Variants in GBF1 observed in about 807,000 individuals in gnomAD.
The protein encoded by GBF1 is Golgi-specific brefeldin A-resistance guanine nucleotide exchange factor 1.
A neutral mutation model predicts 210.5 loss-of-function variants in GBF1; 114 were observed. That is an observed-to-expected ratio of 0.54 (90% CI 0.47 to 0.63). The LOEUF is 0.63. Ranked by LOEUF, GBF1 falls within the 30% of genes least tolerant of loss-of-function variation. The pLI is 0.00. For synonymous variants in GBF1, 850 were observed against 889.2 expected, an observed-to-expected ratio of 0.96 and a Z score of 0.78; for missense variants, 1,851 against 2,357.7, an observed-to-expected ratio of 0.79 and a Z score of 4.45.
At position 102,363,262 on chromosome 10, in the gene GBF1, G is replaced by A; in HGVS notation, c.1883G>A (p.Arg628Lys). ...TCTTCTTCTCTCTTACCAGCTGAGA[G>A]AACTGCCAGCGATGGGAAAGCTGTA... Reference protein sequence around the residue: ...DGTREASNTERTASDGKAVGM... With the variant: ...DGTREASNTEKTASDGKAVGM... The change falls in exon 16 of 40, where the codon AGA becomes AAA. Residue 628 changes from arginine to lysine, a missense_variant. Arg to Lys is a conservative substitution (Grantham distance 26, BLOSUM62 2). This residue lies in a region of GBF1 where 804 missense variants were observed against 958.6 expected (regional missense o/e 0.84). Coordinates refer to ENST00000369983, the MANE Select transcript of GBF1 (RefSeq NM_001377137.1). The surrounding 1 kb of genome is among the most constrained non-coding windows in gnomAD (Gnocchi z 4.2). 1 of 1,612,546 alleles carries A rather than the reference G, an allele frequency of 6.2e-7. No individual in the cohort carries two copies. Among genetic ancestry groups the A allele is most frequent in the Non-Finnish European group, 8.5e-7 (1 of 1,179,312 alleles).
Position 102,363,734 on chromosome 10 carries a change from C to A in GBF1, c.2042C>A (p.Pro681Gln). Residue 681 changes from proline (P) to glutamine (Q), a missense_variant, in exon 17 of 40, where the codon CCA becomes CAA. Coordinates refer to ENST00000369983, the MANE Select transcript of GBF1 (RefSeq NM_001377137.1). The surrounding 1 kb of genome is among the most constrained non-coding windows in gnomAD (Gnocchi z 4.2). The stretch of plus-strand genomic sequence containing the variant: ...GCTGACAAAAAGTTTGCCCGGAAGC[C>A]ACCCCGATTTTCCTGTCTCCTGCCA... ...SGADKKFARK[P>Q]PRFSCLLPDP... 6.2e-7 allele frequency: 1 copy of A among 1,613,274 alleles called. No homozygotes were observed. The highest frequency in any genetic ancestry group is 1.1e-5 in the South Asian group (1 of 91,060).
intron 17 of GBF1, among the ~76,000 whole-genome samples, chr10:102,365,162 G>A (rs1589792131): frequency 6.6e-6 from 1 of 152,180 alleles, no homozygotes. Context: ...ACTGTTTTAT[G>A]TATCTTGAGC....
At chr10:102,358,391 A>T in intron 9 of GBF1, 115 bp from the exon 10 acceptor site, 1 of 816,762 alleles carries the variant, frequency 1.2e-6, no homozygotes, top group Admixed American at 2.4e-5. Context: ...TTAGAGACCA[A>T]TATATGCAAA....
Position 102,375,490 on chromosome 10 carries a change from G to A in GBF1, c.3792G>A (p.Trp1264Ter). Reference sequence around the variant, plus strand: ...CCAACATCCACTCAGGTGATGACTGGGCCACACTCTTCACACTGCTGGAGT... The same window carrying A: ...CCAACATCCACTCAGGTGATGACTGAGCCACACTCTTCACACTGCTGGAGT... ...NAANIHSGDD[W>*]ATLFTLLECI... is the part of the protein sequence containing the mutation. The change falls in exon 30 of 40, where the codon TGG (tryptophan) becomes TGA (stop). Residue 1264 changes from tryptophan (W) to a stop codon, truncating the protein, a stop_gained. Coordinates refer to ENST00000369983, the MANE Select transcript of GBF1 (RefSeq NM_001377137.1). LOFTEE classifies it high-confidence loss of function. The A allele has an allele frequency of 6.2e-7, 1 of 1,613,536 alleles. No homozygotes were observed. The highest frequency in any genetic ancestry group is 8.5e-7 in the Non-Finnish European group (1 of 1,179,484).
At chr10:102,267,091 A>T (rs1032095256) in intron 3 of GBF1, among the ~76,000 whole-genome samples, 15 of 152,248 alleles carry the variant, frequency 9.9e-5, no homozygotes, top group Non-Finnish European at 1.6e-4. Flanking sequence ...CCGCTTAGGT[A>T]GAAAAGAAAC....
Position 102,376,450 on chromosome 10 carries a change from C to T in GBF1, c.4047+18C>T. The T allele has an allele frequency of 6.2e-7, 1 of 1,613,550 alleles. No individual in the cohort carries two copies. The highest frequency in any genetic ancestry group is 8.5e-7 in the Non-Finnish European group (1 of 1,179,506). ...GGTTAGTGGTGAGTGACAATATGGG[C>T]AGCAATTGAGTCTCTCCTGCTTGAC... On this transcript the variant is annotated intron_variant, in intron 31 of 39. Transcript: ENST00000369983.
At chr10:102,239,837 A>G in the GBF1 span, among the ~76,000 whole-genome samples, 1 of 152,226 alleles carries the variant, frequency 6.6e-6, no homozygotes, top group Admixed American at 6.5e-5. Context: ...TGGGCCCAGC[A>G]GAGTCAGGGC....
intron 3 of GBF1, among the ~76,000 whole-genome samples, chr10:102,296,239 A>T (rs2076894941): frequency 6.6e-6 from 1 of 152,202 alleles, no homozygotes; most frequent in Non-Finnish European, 1.5e-5. Flanking sequence ...GCTGCTGCTT[A>T]TGAAAAAAAC....
intron 12 of GBF1, 23 bp downstream of exon 12, chr10:102,360,418 T>A (rs1423651986): frequency 6.8e-7 from 1 of 1,479,082 alleles, no homozygotes; most frequent in Non-Finnish European, 9.4e-7. Context: ...TGCTAGAGGG[T>A]CTCAGAGCCT....
In GBF1 at chr10:102,363,559, T is replaced by C; in HGVS notation, c.2018-151T>C. On this transcript the variant is annotated intron_variant, in intron 16 of 39. Transcript: ENST00000369983. The surrounding 1 kb of genome is among the most constrained non-coding windows in gnomAD (Gnocchi z 4.2). ...AGCAAACATATGGACCCTCAGTTGATAGGACTTCCAGGGAAGTGGAAGACT... is the reference window on the plus strand; with the variant it reads ...AGCAAACATATGGACCCTCAGTTGACAGGACTTCCAGGGAAGTGGAAGACT... The C allele has an allele frequency of 1.2e-6, 1 of 810,908 alleles. No homozygotes were observed. The highest frequency in any genetic ancestry group is 2.4e-5 in the East Asian group (1 of 41,092). The allele number at this position is 810,908 out of a possible 1,614,324, so 50.2% of individuals were successfully genotyped here.
At position 102,256,423 on chromosome 10, in the gene GBF1, T is replaced by C. The variant is rs181918396; in HGVS notation, c.-10-2506T>C. Among the ~76,000 whole-genome samples the C allele has an allele frequency of 3.4e-3, 520 of 152,152 alleles. 1 individual carries two copies. The highest frequency in any genetic ancestry group is 0.012 in the African/African-American group (489 of 41,500). On this transcript the variant is annotated intron_variant, in intron 1 of 39. Transcript: ENST00000369983. Reference sequence around the variant, plus strand: ...TTTGTATCTATTCCACTAAACTGTATAAATGCCTCAAGGACATAAATTATA... The same window carrying C: ...TTTGTATCTATTCCACTAAACTGTACAAATGCCTCAAGGACATAAATTATA...
chr10:102,350,350 CAA>C (rs1308821730), intron 4 of GBF1, among the ~76,000 whole-genome samples: 22 of 118,138 alleles, frequency 1.9e-4, no homozygotes, highest in Middle Eastern at 4.3e-3. Context: ...ACTCCATCTC[CAA>C]AAAAAAAAAA....
chr10:102,340,403 A>G (rs2058099248), intron 3 of GBF1, among the ~76,000 whole-genome samples: 1 of 149,608 alleles, frequency 6.7e-6, no homozygotes, highest in South Asian at 2.1e-4. Context: ...CTTCCTGAGT[A>G]GCTGGGACTA....
the GBF1 span, chr10:102,230,682 CGCGGCG>C: frequency 3.2e-6 from 5 of 1,578,618 alleles, no homozygotes; most frequent in East Asian, 2.3e-5. Context: ...AGGCGGCAGC[CGCGGCG>C]GCGGCGGCGG....
chr10:102,288,748 A>AAAAAAAAT (rs1388239823), intron 3 of GBF1, among the ~76,000 whole-genome samples: 1 of 150,430 alleles, frequency 6.6e-6, no homozygotes, highest in Non-Finnish European at 1.5e-5. Flanking sequence ...AAAAAAAAAA[A>AAAAAAAAT]CGAAATTACT....
At chr10:102,231,558 G>A in the GBF1 span, 1 of 1,447,176 alleles carries the variant, frequency 6.9e-7, no homozygotes, top group Non-Finnish European at 9.5e-7. Context: ...GGGCCCGCGC[G>A]GGTGCGAGTC....
At chr10:102,321,251 G>A (rs2056362387) in intron 3 of GBF1, among the ~76,000 whole-genome samples, 1 of 152,138 alleles carries the variant, frequency 6.6e-6, no homozygotes, top group African/African-American at 2.4e-5. Context: ...AACTCCATGA[G>A]GACAAGGATT....
At chr10:102,339,382 A>G (rs1162242391) in intron 3 of GBF1, among the ~76,000 whole-genome samples, 1 of 151,348 alleles carries the variant, frequency 6.6e-6, no homozygotes, top group Non-Finnish European at 1.5e-5. Flanking sequence ...CTTAGTATAT[A>G]TCGGCAGGGC....
At chr10:102,277,499 C>G (rs2133393131) in intron 3 of GBF1, among the ~76,000 whole-genome samples, 1 of 151,858 alleles carries the variant, frequency 6.6e-6, no homozygotes, top group South Asian at 2.1e-4. Flanking sequence ...CTGCCTCAGC[C>G]TCCTGAGTAG....
Sources: gnomAD v4.1 joint callset for allele counts (sites outside exome capture counted in the v4.1 genomes callset) on GRCh38, gnomAD v4.1.1 for gene constraint, gnomAD v4.1.1 regional missense constraint, Gnocchi (gnomAD v3.1) non-coding constraint, MANE v1.5 for transcripts, NCBI Gene and HGNC (gene_info 2026-07-23, HGNC 2026-07-21) for gene names.